Variants in MAD1L1 observed in about 807,000 individuals in gnomAD.
The protein encoded by MAD1L1 is mitotic spindle assembly checkpoint protein MAD1.
In MAD1L1, 95 loss-of-function variants were observed where a neutral mutation model predicts 96.9. That is an observed-to-expected ratio of 0.98 (90% CI 0.83 to 1.16). The LOEUF is 1.16. MAD1L1 is among the 50% of genes most tolerant of loss of function. The pLI, the probability that MAD1L1 is intolerant of heterozygous loss-of-function variation, is 0.00. For synonymous variants in MAD1L1, 473 were observed against 396.6 expected, an observed-to-expected ratio of 1.19 and a Z score of -2.29; for missense variants, 1,007 against 954.4, an observed-to-expected ratio of 1.06 and a Z score of -0.73.
At chr7:1,867,350 C>T (rs1005649088) in intron 18 of MAD1L1, among the ~76,000 whole-genome samples, 4 of 152,106 alleles carry the variant, frequency 2.6e-5, no homozygotes, top group Admixed American at 2.6e-4. Context: ...AGGACCCCCC[C>T]GGAAGATGTA....
rs1385005952 is a variant in MAD1L1, at chr7:1,968,587, C to T, written c.1506-10868G>A. On this transcript the variant is annotated intron_variant, in intron 15 of 18. Transcript: ENST00000265854. This position sits in a 1 kb window ranked among gnomAD's most constrained non-coding sequence, Gnocchi z 5.6. ...GTCCAGCGGTCAGGTCCACTGTCCA[C>T]GCCTCAGTCCGGCAGTCAGGTCCGC... Among the ~76,000 whole-genome samples the T allele has an allele frequency of 2.7e-5, 4 of 150,842 alleles. No homozygotes were observed. The highest frequency in any genetic ancestry group is 6.6e-5 in the Admixed American group (1 of 15,198).
intron 10 of MAD1L1, among the ~76,000 whole-genome samples, chr7:2,177,245 A>G (rs1790990862): frequency 6.6e-6 from 1 of 152,252 alleles, no homozygotes; most frequent in Non-Finnish European, 1.5e-5. Flanking sequence ...GATTAGCCAC[A>G]TTACTTCTTT....
chr7:1,989,756 T>A (rs1285698792), intron 14 of MAD1L1, among the ~76,000 whole-genome samples: 2 of 152,352 alleles, frequency 1.3e-5, no homozygotes, highest in East Asian at 3.9e-4. Context: ...AGCCCCAGCG[T>A]GGCCCGGCTT....
chr7:1,980,585 C>G (rs1446709253), intron 14 of MAD1L1, 44 bp from the exon 15 acceptor site: 1 of 1,517,776 alleles, frequency 6.6e-7, no homozygotes, highest in Non-Finnish European at 9.0e-7. Context: ...CACGAGCGCA[C>G]CCAGGTGTGT....
chr7:1,944,717 C>G (rs915586458), intron 16 of MAD1L1, among the ~76,000 whole-genome samples: 1 of 152,224 alleles, frequency 6.6e-6, no homozygotes, highest in African/African-American at 2.4e-5. Context: ...TGACCATCAC[C>G]CCCCACCCCG....
intron 12 of MAD1L1, among the ~76,000 whole-genome samples, chr7:2,030,487 C>G (rs1000315337): frequency 6.6e-5 from 10 of 152,246 alleles, no homozygotes; most frequent in African/African-American, 2.4e-4. Flanking sequence ...GGCTAATTCA[C>G]TTGCTTACGC....
chr7:1,887,388 T>C (rs1346621952), intron 18 of MAD1L1, among the ~76,000 whole-genome samples: 2 of 150,270 alleles, frequency 1.3e-5, no homozygotes, highest in Non-Finnish European at 3.0e-5. Context: ...TGCGTGTACA[T>C]GCATGTATGT....
intron 11 of MAD1L1, among the ~76,000 whole-genome samples, chr7:2,145,017 C>A (rs923790970): frequency 1.2e-4 from 19 of 152,136 alleles, no homozygotes; most frequent in African/African-American, 4.1e-4. Context: ...TCTGACCCAA[C>A]CCCCAGGCTG....
At chr7:2,076,665 GCA>G (rs144568817) in intron 11 of MAD1L1, among the ~76,000 whole-genome samples, 3 of 152,068 alleles carry the variant, frequency 2.0e-5, no homozygotes, top group East Asian at 3.9e-4. Context: ...TTAGCCTGCA[GCA>G]CAGTGAGCCC....
chr7:1,912,266 G>C (rs1788066521), intron 17 of MAD1L1, among the ~76,000 whole-genome samples: 1 of 152,240 alleles, frequency 6.6e-6, no homozygotes, highest in Non-Finnish European at 1.5e-5. Context: ...GGCCATCTGA[G>C]AGACAGACAG....
chr7:1,817,882 G>A (rs1365224822), intron 18 of MAD1L1, among the ~76,000 whole-genome samples: 7 of 151,704 alleles, frequency 4.6e-5, no homozygotes, highest in African/African-American at 1.5e-4. Flanking sequence ...TGATGGTGTC[G>A]CCCCTCCCCT....
chr7:2,089,761 A>T (rs1193567019), intron 11 of MAD1L1, among the ~76,000 whole-genome samples: 1 of 151,148 alleles, frequency 6.6e-6, no homozygotes, highest in Non-Finnish European at 1.5e-5. Flanking sequence ...GTGTTTAATC[A>T]CACTTCCAAG....
chr7:1,864,017 G>A (rs1464010089), intron 18 of MAD1L1, among the ~76,000 whole-genome samples: 1 of 152,176 alleles, frequency 6.6e-6, no homozygotes, highest in African/African-American at 2.4e-5. Context: ...AAACTACTCT[G>A]GAGGAGCAGA....
At chr7:2,149,526 C>T (rs1040030797) in intron 10 of MAD1L1, among the ~76,000 whole-genome samples, 2 of 152,130 alleles carry the variant, frequency 1.3e-5, no homozygotes, top group East Asian at 1.9e-4. Flanking sequence ...TCAGAGGAAA[C>T]GAAATCATGT....
chr7:2,068,756 G>C (rs1050674372), intron 12 of MAD1L1, among the ~76,000 whole-genome samples: 4 of 152,220 alleles, frequency 2.6e-5, no homozygotes, highest in Middle Eastern at 3.2e-3. Context: ...TCGGGCCATG[G>C]AGCCACCCAC....
intron 16 of MAD1L1, among the ~76,000 whole-genome samples, chr7:1,955,708 A>C (rs1779696726): frequency 6.6e-6 from 1 of 152,130 alleles, no homozygotes; most frequent in African/African-American, 2.4e-5. Flanking sequence ...GGTTCCTCAC[A>C]GGCTGAGTAC....
intron 11 of MAD1L1, among the ~76,000 whole-genome samples, chr7:2,125,024 G>A (rs1788165578): frequency 6.6e-6 from 1 of 152,156 alleles, no homozygotes; most frequent in Non-Finnish European, 1.5e-5. Flanking sequence ...TCTGCATCCC[G>A]GGCCCCTTCC....
intron 14 of MAD1L1, among the ~76,000 whole-genome samples, chr7:1,982,906 C>G (rs780252674): frequency 6.6e-6 from 1 of 152,020 alleles, no homozygotes; most frequent in Non-Finnish European, 1.5e-5. Context: ...AGTTTTTAAT[C>G]AAGGCTGAGT....
chr7:1,866,600 G>A (rs1290353508), intron 18 of MAD1L1, among the ~76,000 whole-genome samples: 3 of 152,338 alleles, frequency 2.0e-5, no homozygotes, highest in African/African-American at 7.2e-5. Context: ...GGTGTGAGAC[G>A]CCACGGGAGG....
Sources: gnomAD v4.1 joint callset for allele counts (sites outside exome capture counted in the v4.1 genomes callset) on GRCh38, gnomAD v4.1.1 for gene constraint, Gnocchi (gnomAD v3.1) non-coding constraint, MANE v1.5 for transcripts, NCBI Gene and HGNC (gene_info 2026-07-23, HGNC 2026-07-21) for gene names.